MKNK1: variants seen among roughly 807,000 people sequenced by gnomAD.
The protein encoded by MKNK1 is MAP kinase-interacting serine/threonine-protein kinase 1.
In MKNK1, 30 loss-of-function variants were observed where a neutral mutation model predicts 49.3. The ratio of observed to expected loss-of-function variants is 0.61; its 90% CI spans 0.46 to 0.83. The LOEUF is 0.83. Ranked by LOEUF, MKNK1 falls within the 40% of genes least tolerant of loss-of-function variation. MKNK1 has a pLI of 0.00. For synonymous variants in MKNK1, 176 were observed against 201.7 expected, an observed-to-expected ratio of 0.87 and a Z score of 1.08; for missense variants, 423 against 524.7, an observed-to-expected ratio of 0.81 and a Z score of 1.89.
chr1:46,585,937 T>C lies in MKNK1; in HGVS notation c.-2-2608A>G, dbSNP rs373651683. The C allele has an allele frequency of 3.0e-4, 412 of 1,365,752 alleles. 1 individual carries two copies. Among genetic ancestry groups the C allele is most frequent in the South Asian group, 4.0e-4 (35 of 88,018 alleles). 84.6% of individuals were successfully genotyped at this position (1,365,752 alleles called of 1,614,324 possible). ...GCCAGAAGGGACAAATGGTTAAGAC[T>C]TTCCTTGGAAATGGAACTTGGAGAG... On this transcript the variant is annotated intron_variant, in intron 2 of 12. Coordinates refer to ENST00000371945, the MANE Select transcript of MKNK1 (RefSeq NM_001135553.4).
In MKNK1 at chr1:46,558,803, G is replaced by T. The variant is rs1667408205; in HGVS notation, c.1014-3C>A. On this transcript the variant is annotated splice_polypyrimidine_tract_variant and splice_region_variant and intron_variant, in intron 12 of 12. Coordinates refer to ENST00000371945, the MANE Select transcript of MKNK1 (RefSeq NM_001135553.4). ...TCAGGTCCATTGTGCTGCTGTTCCT[G>T]CAGGGCCAGGGGAAAGCACAGAAAA... is the stretch of plus-strand genomic sequence containing the variant. The T allele has an allele frequency of 1.2e-6, 2 of 1,612,336 alleles. No homozygotes were observed. The highest frequency in any genetic ancestry group is 3.3e-5 in the Admixed American group (2 of 59,886).
chr1:46,569,588 C>T (rs1013359923), intron 7 of MKNK1: 2 of 152,248 alleles, frequency 1.3e-5, no homozygotes, highest in African/African-American at 4.8e-5. Flanking sequence ...CGGTGATCAA[C>T]TTTTTCAGCA....
intron 10 of MKNK1, 126 bp from the exon 11 acceptor site, chr1:46,561,768 A>C: frequency 9.4e-7 from 1 of 1,061,300 alleles, no homozygotes; most frequent in Non-Finnish European, 1.4e-6. Context: ...TGGGGATGCC[A>C]CAGACTGGGG....
chr1:46,583,051 C>A, intron 3 of MKNK1, 177 bp downstream of exon 3: 1 of 692,738 alleles, frequency 1.4e-6, no homozygotes, highest in Non-Finnish European at 2.6e-6. Context: ...CATCCCTGCT[C>A]TCTTTCTGTA....
chr1:46,571,253 A>G (rs1053042251), intron 7 of MKNK1, among the ~76,000 whole-genome samples: 6 of 152,248 alleles, frequency 3.9e-5, no homozygotes, highest in African/African-American at 1.4e-4. Flanking sequence ...ATGTTAATAG[A>G]AAAGTATAAG....
chr1:46,573,428 A>C (rs970868483), intron 6 of MKNK1, among the ~76,000 whole-genome samples: 6 of 152,210 alleles, frequency 3.9e-5, no homozygotes, highest in African/African-American at 1.4e-4. Context: ...ACAGGCAGGA[A>C]CATGTGGCTT....
intron 2 of MKNK1, among the ~76,000 whole-genome samples, chr1:46,592,538 G>A (rs1209868763): frequency 2.0e-5 from 3 of 152,242 alleles, no homozygotes; most frequent in East Asian, 3.8e-4. Flanking sequence ...TGACTGTGAT[G>A]TGAAGAACAA....
At chr1:46,584,992 T>C (rs1421091508) in intron 2 of MKNK1, among the ~76,000 whole-genome samples, 1 of 152,102 alleles carries the variant, frequency 6.6e-6, no homozygotes, top group Non-Finnish European at 1.5e-5. Flanking sequence ...GGCTCACGCC[T>C]GTAATCCCAG....
chr1:46,565,104 C>G lies in MKNK1; in HGVS notation c.546G>C (p.Leu182Phe). 6.2e-7 allele frequency: 1 copy of G among 1,614,128 alleles called. No individual in the cohort carries two copies. Among genetic ancestry groups the G allele is most frequent in the Non-Finnish European group, 8.5e-7 (1 of 1,180,010 alleles). The change falls in exon 9 of 13, where the codon TTG becomes TTC. Residue 182 changes from leucine to phenylalanine, a missense_variant. Transcript: ENST00000371945. ...AGTTGTTCAGTTTCATCCCACTGCC[C>G]AAGTCAAAGTCACAGATTTTCACTG... ...VSPVKICDFD[L>F]GSGMKLNNSC...
intron 6 of MKNK1, 31 bp from the exon 7 acceptor site, chr1:46,572,198 CT>C: frequency 1.3e-6 from 2 of 1,585,274 alleles, no homozygotes; most frequent in Non-Finnish European, 1.7e-6. Flanking sequence ...AGAAGAATGC[CT>C]TTTTGGGCTC....
intron 4 of MKNK1, 29 bp from the exon 5 acceptor site, chr1:46,576,683 C>A (rs745906495): frequency 1.3e-6 from 2 of 1,591,972 alleles, no homozygotes; most frequent in Non-Finnish European, 1.7e-6. Context: ...CTGTCATGTA[C>A]ACCCACCTGA....
chr1:46,594,022 G>T (rs370697866), intron 2 of MKNK1, 91 bp downstream of exon 2: 1 of 992,240 alleles, frequency 1.0e-6, no homozygotes, highest in South Asian at 1.5e-5. Context: ...TGAAAACCAC[G>T]GTCTCTTACC....
rs572625309 is a variant in MKNK1, at chr1:46,561,468, A to C, written c.969+10T>G. 22 of 1,599,950 alleles carry C rather than the reference A, an allele frequency of 1.4e-5. No individual in the cohort carries two copies. In the South Asian group the frequency reaches 2.3e-4, roughly 17 times the overall value. ...AGTGGTGGAAAACACCCCTCCCTGG[A>C]GTCACTCACCCCCTGCACCCATGGG... On this transcript the variant is annotated intron_variant, in intron 11 of 12. Coordinates refer to ENST00000371945, the MANE Select transcript of MKNK1 (RefSeq NM_001135553.4).
At chr1:46,565,272 G>A (rs372784861) in intron 8 of MKNK1, 136 bp from the exon 9 acceptor site, 50 of 751,572 alleles carry the variant, frequency 6.7e-5, no homozygotes, top group African/African-American at 1.4e-4. Flanking sequence ...TTTGCTCTCC[G>A]GAGGTTAACA....
At chr1:46,580,320 T>C (rs1379804532) in intron 4 of MKNK1, 1 of 559,766 alleles carries the variant, frequency 1.8e-6, no homozygotes, top group Non-Finnish European at 3.2e-6. Context: ...GGTTCTAGTA[T>C]TATACCCATT....
Position 46,564,466 on chromosome 1 carries a change from G to GTTTTTTTTTTTTTTTTTTTTT in MKNK1, c.609+554_609+574dup, listed in dbSNP as rs568296534. On this transcript the variant is annotated intron_variant, in intron 9 of 12. Coordinates refer to ENST00000371945, the MANE Select transcript of MKNK1 (RefSeq NM_001135553.4). ...GGGCTCAGCCTGTGTTTTTTTTATT[G>GTTTTTTTTTTTTTTTTTTTTT]TTTTTTTTTTTTTTTTTTTTTTTTT... is the stretch of plus-strand genomic sequence containing the variant. 1.0e-4 allele frequency among the ~76,000 whole-genome samples: 7 copies of GTTTTTTTTTTTTTTTTTTTTT among 70,168 alleles called. 2 individuals are homozygous for GTTTTTTTTTTTTTTTTTTTTT. Among genetic ancestry groups the GTTTTTTTTTTTTTTTTTTTTT allele is most frequent in the African/African-American group, 3.4e-4 (5 of 14,666 alleles). 46.0% of individuals were successfully genotyped at this position (70,168 alleles called of 152,430 possible).
At chr1:46,573,647 C>G (rs1670528750) in intron 6 of MKNK1, 1 of 152,088 alleles carries the variant, frequency 6.6e-6, no homozygotes, top group Admixed American at 6.6e-5. Flanking sequence ...AAAACCGGCT[C>G]ATGACTAGGT....
At chr1:46,585,828 G>A (rs1268133434) in intron 2 of MKNK1, 3 of 1,033,014 alleles carry the variant, frequency 2.9e-6, no homozygotes, top group African/African-American at 1.6e-5. Context: ...CACCGCACAC[G>A]TAACATTAGA....
intron 2 of MKNK1, among the ~76,000 whole-genome samples, chr1:46,584,093 T>G (rs1424526133): frequency 1.3e-5 from 2 of 152,194 alleles, no homozygotes; most frequent in African/African-American, 4.8e-5. Context: ...AAGGAGGATT[T>G]GTGAGGCAGG....
Sources: allele counts gnomAD v4.1 joint callset (sites outside exome capture counted in the v4.1 genomes callset), GRCh38; gene constraint gnomAD v4.1.1; transcripts MANE v1.5; gene names NCBI Gene and HGNC (gene_info 2026-07-23, HGNC 2026-07-21).